The following MGST1 variants were observed in gnomAD, a reference collection of about 807,000 sequenced individuals.
MGST1 encodes the protein microsomal glutathione S-transferase 1, also known as glutathione S-transferase 12.
In MGST1, 5 loss-of-function variants were observed where a neutral mutation model predicts 8.9. The ratio of observed to expected loss-of-function variants is 0.56; its 90% confidence interval spans 0.29 to 1.19. MGST1 has a LOEUF of 1.19. Among genes scored for constraint, MGST1 ranks in the 50% most tolerant of loss-of-function variants. The pLI is 0.08. For missense variants in MGST1, 182 were observed against 187.4 expected (o/e 0.97, Z 0.17); for synonymous variants, 54 against 67.8 (o/e 0.80, Z 1.00).
chr12:16,522,825 T>C (rs1013510800), intron 4 of MGST1, among the ~76,000 whole-genome samples: 2 of 152,058 alleles, frequency 1.3e-5, no homozygotes, highest in African/African-American at 2.4e-5. Context: ...GCTTTCTACC[T>C]AGAGAAACTT....
intron 2 of MGST1, among the ~76,000 whole-genome samples, chr12:16,356,117 C>T: frequency 6.6e-6 from 1 of 152,158 alleles, no homozygotes; most frequent in East Asian, 1.9e-4. Flanking sequence ...CACCTAATTA[C>T]CTCCCAAAGG....
At chr12:16,490,049 C>CTTA (rs893726614) in intron 4 of MGST1, among the ~76,000 whole-genome samples, 7 of 152,064 alleles carry the variant, frequency 4.6e-5, no homozygotes, top group Middle Eastern at 6.8e-3. Context: ...ATCTCTTGAG[C>CTTA]TTAAGAGTTC....
intron 4 of MGST1, among the ~76,000 whole-genome samples, chr12:16,461,424 A>G (rs1355090931): frequency 2.0e-5 from 3 of 152,156 alleles, no homozygotes; most frequent in Non-Finnish European, 4.4e-5. Context: ...TACAACCAGA[A>G]TGGTTTTCCA....
intron 4 of MGST1, among the ~76,000 whole-genome samples, chr12:16,504,622 T>A (rs1941525467): frequency 6.6e-6 from 1 of 152,156 alleles, no homozygotes; most frequent in Non-Finnish European, 1.5e-5. Context: ...ATGTGGGGCG[T>A]GGAGTGGGGA....
exon 2 of MGST1, chr12:16,438,068 G>A (rs1941004365): frequency 6.6e-6 from 1 of 151,938 alleles, no homozygotes; most frequent in African/African-American, 2.4e-5. Context: ...ATATAGTGCA[G>A]TGCTCCACAG....
intron 4 of MGST1, among the ~76,000 whole-genome samples, chr12:16,474,000 C>T (rs767547889): frequency 1.3e-5 from 2 of 152,170 alleles, no homozygotes; most frequent in Non-Finnish European, 2.9e-5. Context: ...GCTTGTGTCC[C>T]TATAGAAGTT....
rs567482244 is a variant in MGST1 at position 16,568,786 on chromosome 12, G to T, written n.483-20742G>T. Among the ~76,000 whole-genome samples, 16 of 152,246 alleles carry T rather than the reference G, an allele frequency of 1.1e-4. No individual in the cohort carries two copies. In the South Asian group the frequency reaches 3.3e-3, roughly 32 times the overall value. The stretch of plus-strand genomic sequence containing the variant: ...TTACATTCTATTTCTATTGGACAGT[G>T]CTGGTCTATAGCTTCAGCTTTCTTT... On this transcript the variant is annotated intron_variant and non_coding_transcript_variant, in intron 4 of 4. Coordinates refer to the MGST1 transcript ENST00000538857.
intron 4 of MGST1, among the ~76,000 whole-genome samples, chr12:16,578,422 G>A (rs147028684): frequency 6.6e-6 from 1 of 152,210 alleles, no homozygotes; most frequent in African/African-American, 2.4e-5. Context: ...TGGAGGAACA[G>A]GGAAGAGAAG....
At chr12:16,529,393 G>A (rs1941708801) in intron 4 of MGST1, among the ~76,000 whole-genome samples, 1 of 152,024 alleles carries the variant, frequency 6.6e-6, no homozygotes, top group East Asian at 1.9e-4. Flanking sequence ...CACACGTCAA[G>A]ATTTAGTGAA....
chr12:16,446,836 T>C (rs1310466544), intron 4 of MGST1, among the ~76,000 whole-genome samples: 2 of 151,910 alleles, frequency 1.3e-5, no homozygotes, highest in Non-Finnish European at 2.9e-5. Context: ...TCTTAAATGC[T>C]TGGGGAACAG....
At chr12:16,435,729 A>G (rs555891351) in intron 1 of MGST1, among the ~76,000 whole-genome samples, 1 of 151,398 alleles carries the variant, frequency 6.6e-6, no homozygotes, top group Non-Finnish European at 1.5e-5. Context: ...TAGACTTCTA[A>G]GATTAATAAG....
intron 4 of MGST1, among the ~76,000 whole-genome samples, chr12:16,578,710 T>C (rs1285031008): frequency 6.6e-6 from 1 of 151,700 alleles, no homozygotes; most frequent in Non-Finnish European, 1.5e-5. Context: ...GCTAGTTTCT[T>C]GGAAGGCTGA....
At chr12:16,469,246 C>T (rs1941276421) in intron 4 of MGST1, among the ~76,000 whole-genome samples, 1 of 135,920 alleles carries the variant, frequency 7.4e-6, no homozygotes, top group Non-Finnish European at 1.5e-5. Context: ...TGCAGTGGCA[C>T]AATCTTGGCT....
At chr12:16,550,566 A>C (rs1192334337) in intron 4 of MGST1, 2 of 152,366 alleles carry the variant, frequency 1.3e-5, no homozygotes, top group Non-Finnish European at 2.9e-5. Context: ...TATTTTTTTA[A>C]AGCTGATTTT....
chr12:16,357,340 G>C (rs1939763680), intron 2 of MGST1, among the ~76,000 whole-genome samples: 1 of 152,104 alleles, frequency 6.6e-6, no homozygotes, highest in African/African-American at 2.4e-5. Context: ...GCTCACTGCA[G>C]CCTCAACCTC....
Position 16,347,795 on chromosome 12 carries a change from G to A in MGST1, c.-23+85G>A, listed in dbSNP as rs1241831059. 1 of 152,384 alleles carries A rather than the reference G, an allele frequency of 6.6e-6. No homozygotes were observed. Among genetic ancestry groups the A allele is most frequent in the Non-Finnish European group, 1.5e-5 (1 of 68,132 alleles). 9.4% of individuals were successfully genotyped at this position (152,384 alleles called of 1,614,324 possible). A position where few individuals can be genotyped will look rare whatever the true frequency, so the allele number is the denominator to read the frequency against. ...GGGTGGGTGGCAGATGGAAGACTTG[G>A]GGGGGTCTCTGCCAGCTGGAAGTGC... On this transcript the variant is annotated intron_variant, in intron 1 of 3. Transcript: ENST00000396210. This position sits in a 1 kb window ranked among gnomAD's most constrained non-coding sequence, Gnocchi z 4.0.
chr12:16,432,731 C>CAGAGAGAGAG (rs767958436), intron 1 of MGST1, among the ~76,000 whole-genome samples: 9 of 132,662 alleles, frequency 6.8e-5, no homozygotes, highest in Admixed American at 7.7e-5. Flanking sequence ...CACACACACA[C>CAGAGAGAGAG]AGAGAGAGAG....
At chr12:16,552,668 T>C (rs557765564) in intron 4 of MGST1, among the ~76,000 whole-genome samples, 5 of 152,174 alleles carry the variant, frequency 3.3e-5, no homozygotes, top group African/African-American at 1.2e-4. Flanking sequence ...TTACTTTTTT[T>C]CCCCAGGATT....
At chr12:16,501,882 A>G (rs544248162) in intron 4 of MGST1, among the ~76,000 whole-genome samples, 1 of 152,292 alleles carries the variant, frequency 6.6e-6, no homozygotes, top group African/African-American at 2.4e-5. Flanking sequence ...TGAATTAAAT[A>G]TTAATTTAAA....
Sources: gnomAD v4.1 joint callset for allele counts (sites outside exome capture counted in the v4.1 genomes callset) on GRCh38, gnomAD v4.1.1 for gene constraint, Gnocchi (gnomAD v3.1) non-coding constraint, MANE v1.5 for transcripts, NCBI Gene and HGNC (gene_info 2026-07-23, HGNC 2026-07-21) for gene names.